The following GLB1L variants were observed in gnomAD, a reference collection of about 807,000 sequenced individuals.
GLB1L encodes galactosidase beta 1 like.
A neutral mutation model predicts 75.7 loss-of-function variants in GLB1L; 58 were observed. That is an observed-to-expected ratio of 0.77 (90% CI 0.62 to 0.95). The LOEUF is 0.95. Among genes scored for constraint, GLB1L ranks in the 40% least tolerant of loss-of-function variants. The probability of loss-of-function intolerance (pLI) is 0.00; values close to 1 mark genes in which losing one functional copy is unlikely to be tolerated. For synonymous variants in GLB1L, 296 were observed against 303.0 expected, an observed-to-expected ratio of 0.98 and a Z score of 0.24; for missense variants, 797 against 805.5, an observed-to-expected ratio of 0.99 and a Z score of 0.13.
chr2:219,239,294 C>A, intron 10 of GLB1L, 84 bp from the exon 11 acceptor site: 1 of 1,481,304 alleles, frequency 6.8e-7, no homozygotes, highest in Non-Finnish European at 9.3e-7. Context: ...AGAATTTTGC[C>A]ATCAGAGGGG....
chr2:219,238,394 A>G (rs1383974978), intron 13 of GLB1L, 31 bp from the exon 14 acceptor site: 1 of 1,567,500 alleles, frequency 6.4e-7, no homozygotes, highest in Non-Finnish European at 8.7e-7. Context: ...ACTTCAGACA[A>G]ACAGAAATAA....
chr2:219,236,843 C>T lies in GLB1L; in HGVS notation c.*229G>A. On this transcript the variant is annotated 3_prime_UTR_variant, in exon 17 of 17. Transcript: ENST00000295759. ...GCAGTGGTACAACCTCCACTCACTG[C>T]AACCTCTGCCTCCTGGATTCAAGCA... The T allele has an allele frequency of 2.4e-6, 1 of 413,304 alleles. No individual in the cohort carries two copies. The highest frequency in any genetic ancestry group is 3.4e-5 in the South Asian group (1 of 29,378). The allele number at this position is 413,304 out of a possible 1,614,324, so 25.6% of individuals were successfully genotyped here.
Position 219,236,759 on chromosome 2 carries a change from A to ATTT in GLB1L, c.*312_*313insAAA, listed in dbSNP as rs1951251601. ...ACTCCATGTCCCAGGTCCAAGGGTT[A>ATTT]CTTTTTTTTTTTTTTTTTTTTTTGA... On this transcript the variant is annotated 3_prime_UTR_variant, in exon 17 of 17. Coordinates refer to ENST00000295759, the MANE Select transcript of GLB1L (RefSeq NM_001286423.2). The ATTT allele has an allele frequency of 4.2e-6, 1 of 238,516 alleles. No homozygotes were observed. The highest frequency in any genetic ancestry group is 7.5e-5 in the East Asian group (1 of 13,380). 14.8% of individuals were successfully genotyped at this position (238,516 alleles called of 1,614,324 possible).
chr2:219,245,198 C>T (rs1479873814), intron 1 of GLB1L, 31 bp downstream of exon 1: 2 of 152,328 alleles, frequency 1.3e-5, no homozygotes, highest in African/African-American at 2.4e-5. Context: ...CGCTTTCTGC[C>T]CCAGAGCGCC....
intron 1 of GLB1L, among the ~76,000 whole-genome samples, chr2:219,244,899 C>T (rs547816127): frequency 2.0e-5 from 3 of 152,226 alleles, no homozygotes. Context: ...ACTAGTCAGT[C>T]TGGCCTCACA....
intron 5 of GLB1L, among the ~76,000 whole-genome samples, chr2:219,240,666 C>T (rs1322917648): frequency 1.3e-5 from 2 of 152,100 alleles, no homozygotes; most frequent in East Asian, 3.9e-4. Flanking sequence ...ATCGCTTGAA[C>T]CCGGGAGGCA....
Position 219,243,227 on chromosome 2 carries a change from G to C in GLB1L, c.160C>G (p.His54Asp). The stretch of plus-strand genomic sequence containing the variant: ...AGCACCCGCGGTACCCGAAAGTAGT[G>C]CAGGCTGCCAGACACATAGCGGAAC... Reference protein sequence around the residue: ...APFRYVSGSLHYFRVPRVLWA... With the variant: ...APFRYVSGSLDYFRVPRVLWA... The change falls in exon 3 of 17, where the codon CAC becomes GAC. Residue 54 changes from histidine to aspartate, a missense_variant. Coordinates refer to ENST00000295759, the MANE Select transcript of GLB1L (RefSeq NM_001286423.2). 6.2e-7 allele frequency: 1 copy of C among 1,614,184 alleles called. No individual in the cohort carries two copies. Among genetic ancestry groups the C allele is most frequent in the Non-Finnish European group, 8.5e-7 (1 of 1,180,014 alleles).
chr2:219,238,934 A>G (rs1574863621), intron 11 of GLB1L, among the ~76,000 whole-genome samples, 155 bp from the exon 12 acceptor site: 1 of 152,226 alleles, frequency 6.6e-6, no homozygotes, highest in East Asian at 1.9e-4. Flanking sequence ...CTTCACACAT[A>G]GTCCCATTTG....
In GLB1L at chr2:219,243,530, G is replaced by A. The variant is rs1951450839; in HGVS notation, c.44C>T (p.Pro15Leu). The A allele has an allele frequency of 2.5e-6, 4 of 1,614,100 alleles. No homozygotes were observed. The Admixed American group carries it at 6.7e-5, about 27-fold the overall frequency. ...GGGCAGCAGTAGCGTCAGGCTGAGC[G>A]GCAGCAGCAGGGAACGAAGGCAGGA... The part of the protein sequence containing the change: ...KLSCLRSLLL[P>L]LSLTLLLPQA... The change falls in exon 2 of 17, where the codon CCG becomes CTG. Residue 15 changes from proline to leucine, a missense_variant. Coordinates refer to ENST00000295759, the MANE Select transcript of GLB1L (RefSeq NM_001286423.2).
chr2:219,243,710 C>G, intron 1 of GLB1L, 67 bp from the exon 2 acceptor site: 1 of 740,848 alleles, frequency 1.3e-6, no homozygotes, highest in East Asian at 2.7e-5. Flanking sequence ...TCCTCTCCAG[C>G]CTGCAGCCAC....
intron 1 of GLB1L, among the ~76,000 whole-genome samples, chr2:219,244,425 T>C (rs573421370): frequency 2.1e-4 from 32 of 152,234 alleles, no homozygotes; most frequent in East Asian, 3.9e-4. Flanking sequence ...GGGGAAACCA[T>C]TGGAAAATCT....
chr2:219,242,716 T>C (rs1951421261), intron 4 of GLB1L, 52 bp downstream of exon 4: 4 of 1,604,430 alleles, frequency 2.5e-6, no homozygotes, highest in African/African-American at 2.7e-5. Flanking sequence ...ATGGGAGTAG[T>C]CTAGGAACTG....
At chr2:219,239,883 C>G in intron 7 of GLB1L, 37 bp downstream of exon 7, 1 of 1,614,114 alleles carries the variant, frequency 6.2e-7, no homozygotes, top group African/African-American at 1.3e-5. Context: ...AAGAGGTGTC[C>G]TTTCCCCAGA....
Position 219,243,509 on chromosome 2 carries a change from A to AG in GLB1L, c.64dup (p.Leu22ProfsTer13), listed in dbSNP as rs762368660. On this transcript the variant is annotated frameshift_variant, in exon 2 of 17. Coordinates refer to ENST00000295759, the MANE Select transcript of GLB1L (RefSeq NM_001286423.2). LOFTEE classifies it high-confidence loss of function. ...TTCACCGTCTCATCTTACCTGGGGC[A>AG]GCAGTAGCGTCAGGCTGAGCGGCAG... The AG allele has an allele frequency of 6.0e-5, 97 of 1,614,090 alleles. No individual in the cohort carries two copies. The highest frequency in any genetic ancestry group is 7.9e-5 in the Non-Finnish European group (93 of 1,180,030).
rs144644979 is a variant in GLB1L at position 219,238,140 on chromosome 2, C to T, written c.1341+110G>A. 287 of 1,053,552 alleles carry T rather than the reference C, an allele frequency of 2.7e-4. 2 individuals are homozygous for T. In the African/African-American group the frequency reaches 4.2e-3, roughly 15 times the overall value. The allele number at this position is 1,053,552 out of a possible 1,614,324, so 65.3% of individuals were successfully genotyped here. A position where few individuals can be genotyped will look rare whatever the true frequency, so the allele number is the denominator to read the frequency against. On this transcript the variant is annotated intron_variant, in intron 14 of 16. Transcript: ENST00000295759. ...CATCCCAGCTTATCCCTGGAACCCT[C>T]TGCAAACGTGAACAGGCAGGTGGGA... is the stretch of plus-strand genomic sequence containing the variant.
rs1951255094 is a variant in GLB1L, at chr2:219,236,825, T to C, written c.*247A>G. The C allele has an allele frequency of 2.9e-6, 1 of 342,068 alleles. No individual in the cohort carries two copies. The highest frequency in any genetic ancestry group is 5.1e-6 in the Non-Finnish European group (1 of 194,204). 21.2% of individuals were successfully genotyped at this position (342,068 alleles called of 1,614,324 possible). A position where few individuals can be genotyped will look rare whatever the true frequency, so the allele number is the denominator to read the frequency against. On this transcript the variant is annotated 3_prime_UTR_variant, in exon 17 of 17. Transcript: ENST00000295759. ...TGTCAGCCAGGCTGGAGTGCAGTGG[T>C]ACAACCTCCACTCACTGCAACCTCT...
chr2:219,239,612 G>A lies in GLB1L; in HGVS notation c.851C>T (p.Ala284Val). The A allele has an allele frequency of 5.0e-6, 8 of 1,614,202 alleles. No individual in the cohort carries two copies. The highest frequency in any genetic ancestry group is 6.8e-6 in the Non-Finnish European group (8 of 1,180,036). Residue 284 changes from alanine (A) to valine (V), a missense_variant, in exon 9 of 17, where the codon GCT becomes GTT. Physicochemically the swap from Ala to Val is moderately conservative, Grantham distance 64. Transcript: ENST00000295759. ...GQNHSTRSVS[A>V]VTKGLENMLK... ...CATGTTCTCTAGTCCTTTGGTTACA[G>A]CTGACACAGACCGTGTGGAGTGATT...
At position 219,239,227 on chromosome 2, in the gene GLB1L, T is replaced by G; in HGVS notation, c.944-17A>C. On this transcript the variant is annotated splice_polypyrimidine_tract_variant and intron_variant, in intron 10 of 16. Coordinates refer to ENST00000295759, the MANE Select transcript of GLB1L (RefSeq NM_001286423.2). ...TATCGGCACCTGAAGTTGAGCCAAT[T>G]TAATTAATTCAACATGTATTTCAGA... is the stretch of plus-strand genomic sequence containing the variant. The G allele has an allele frequency of 6.3e-7, 1 of 1,581,438 alleles. No homozygotes were observed. Among genetic ancestry groups the G allele is most frequent in the Non-Finnish European group, 8.7e-7 (1 of 1,153,966 alleles).
intron 13 of GLB1L, 47 bp from the exon 14 acceptor site, chr2:219,238,410 G>A (rs1202296339): frequency 2.3e-5 from 35 of 1,553,070 alleles, no homozygotes; most frequent in Middle Eastern, 1.7e-4. Flanking sequence ...AATAAAAGAG[G>A]ACACTGTGAC....
Sources: gnomAD v4.1 joint callset for allele counts (sites outside exome capture counted in the v4.1 genomes callset) on GRCh38, gnomAD v4.1.1 for gene constraint, MANE v1.5 for transcripts, NCBI Gene and HGNC (gene_info 2026-07-23, HGNC 2026-07-21) for gene names.